NCKAP1: variants seen among roughly 807,000 people sequenced by gnomAD.
NCKAP1 encodes nck-associated protein 1.
NCKAP1 carries 21 observed loss-of-function variants against 151.2 expected under a neutral mutation model. That is an observed-to-expected ratio of 0.14 (90% CI 0.10 to 0.20). The LOEUF (loss-of-function observed/expected upper bound fraction) is 0.20. Among genes scored for constraint, NCKAP1 ranks in the 10% least tolerant of loss-of-function variants. The pLI, the probability that NCKAP1 is intolerant of heterozygous loss-of-function variation, is 1.00. For synonymous variants in NCKAP1, 484 were observed against 451.8 expected (o/e 1.07, Z -0.90); for missense variants, 933 against 1,352.1 (o/e 0.69, Z 4.86).
At position 182,922,632 on chromosome 2, in the gene NCKAP1, G is replaced by T. The variant is rs1696570254; in HGVS notation, c.*3070C>A. 1 of 152,220 alleles carries T rather than the reference G, an allele frequency of 6.6e-6. No individual in the cohort carries two copies. Among genetic ancestry groups the T allele is most frequent in the African/African-American group, 2.4e-5 (1 of 41,424 alleles). The allele number at this position is 152,220 out of a possible 1,614,324, so 9.4% of individuals were successfully genotyped here. ...CAGCTCAAATGTTTTCTCTTACACAGATGACACTTTCTTCTAACACTTTCT... is the reference window on the plus strand; with the variant it reads ...CAGCTCAAATGTTTTCTCTTACACATATGACACTTTCTTCTAACACTTTCT... On this transcript the variant is annotated 3_prime_UTR_variant, in exon 31 of 31. Coordinates refer to ENST00000361354, the MANE Select transcript of NCKAP1 (RefSeq NM_013436.5).
chr2:183,003,361 G>A, intron 2 of NCKAP1, 36 bp from the exon 3 acceptor site: 1 of 1,217,274 alleles, frequency 8.2e-7, no homozygotes, highest in Non-Finnish European at 1.2e-6. Flanking sequence ...TGCTCATAGA[G>A]AACAAAAGTA....
At chr2:183,035,123 A>C (rs1482810929) in intron 1 of NCKAP1, among the ~76,000 whole-genome samples, 1 of 152,112 alleles carries the variant, frequency 6.6e-6, no homozygotes, top group Non-Finnish European at 1.5e-5. Context: ...AAAAGGAATT[A>C]AGCAACAAAT....
At chr2:183,007,816 A>ATCAACT (rs2105880760) in intron 2 of NCKAP1, among the ~76,000 whole-genome samples, 2 of 152,304 alleles carry the variant, frequency 1.3e-5, no homozygotes, top group South Asian at 4.1e-4. Context: ...CACCCTAGTC[A>ATCAACT]TCAACTCTCA....
chr2:183,004,891 A>AG (rs1698440819), intron 2 of NCKAP1, among the ~76,000 whole-genome samples: 1 of 151,436 alleles, frequency 6.6e-6, no homozygotes, highest in Non-Finnish European at 1.5e-5. Context: ...TCTCAAAAAA[A>AG]AAAAAAGAAA....
chr2:182,988,816 T>G (rs1698108553), intron 9 of NCKAP1, among the ~76,000 whole-genome samples: 1 of 152,138 alleles, frequency 6.6e-6, no homozygotes, highest in Non-Finnish European at 1.5e-5. Flanking sequence ...TCAGGTAACC[T>G]CAGTTTTTTT....
chr2:182,994,717 G>A (rs933641749), intron 8 of NCKAP1, 122 bp downstream of exon 8: 1 of 732,522 alleles, frequency 1.4e-6, no homozygotes, highest in Non-Finnish European at 2.3e-6. Context: ...GACTGAAAGA[G>A]GTAATGGACA....
chr2:182,969,049 A>G (rs1164535163), intron 15 of NCKAP1, among the ~76,000 whole-genome samples: 1 of 152,236 alleles, frequency 6.6e-6, no homozygotes, highest in Non-Finnish European at 1.5e-5. Context: ...AGTTTTACTT[A>G]CCATTTATCA....
chr2:182,936,327 A>G (rs1424367352), intron 24 of NCKAP1, among the ~76,000 whole-genome samples: 2 of 152,212 alleles, frequency 1.3e-5, no homozygotes, highest in Non-Finnish European at 2.9e-5. Flanking sequence ...CACATTTTAT[A>G]AAGCCAAAAC....
At chr2:182,960,251 C>T (rs1389532929) in intron 18 of NCKAP1, among the ~76,000 whole-genome samples, 1 of 152,008 alleles carries the variant, frequency 6.6e-6, no homozygotes, top group African/African-American at 2.4e-5. Flanking sequence ...CATATGGAAC[C>T]AAAAAAGAGC....
chr2:182,928,282 A>G, intron 28 of NCKAP1, 56 bp from the exon 29 acceptor site: 2 of 1,239,668 alleles, frequency 1.6e-6, no homozygotes, highest in South Asian at 1.3e-5. Context: ...AATACATAGA[A>G]GGCAAATCTT....
intron 27 of NCKAP1, among the ~76,000 whole-genome samples, chr2:182,929,923 C>T (rs528336126): frequency 6.6e-6 from 1 of 152,038 alleles, no homozygotes; most frequent in Admixed American, 6.6e-5. Context: ...AAGGGCTGGT[C>T]TTAAAAATTT....
At chr2:182,949,759 C>T (rs1697179067) in intron 23 of NCKAP1, among the ~76,000 whole-genome samples, 2 of 152,232 alleles carry the variant, frequency 1.3e-5, no homozygotes, top group Admixed American at 6.5e-5. Flanking sequence ...CACACCACTG[C>T]ACTCCAGCCT....
chr2:182,952,404 C>A lies in NCKAP1; in HGVS notation c.2601+1G>T. The A allele has an allele frequency of 6.3e-7, 1 of 1,586,986 alleles. No individual in the cohort carries two copies. The highest frequency in any genetic ancestry group is 8.6e-7 in the Non-Finnish European group (1 of 1,162,340). On this transcript the variant is annotated splice_donor_variant, in intron 23 of 30. Transcript: ENST00000361354. LOFTEE classifies it high-confidence loss of function. ...GCTAAAATTAATAAAGACTATATTA[C>A]CTTAAGTTCAGCAACTTGTGATGAA...
At position 183,024,031 on chromosome 2, in the gene NCKAP1, T is replaced by C. The variant is rs567070761; in HGVS notation, c.109-115A>G. ...TTTATTGTTTTTGGTGAGCAGGTGA[T>C]AAAATGAATAGGCAAAGTGCAGGGA... On this transcript the variant is annotated intron_variant, in intron 1 of 30. Coordinates refer to ENST00000361354, the MANE Select transcript of NCKAP1 (RefSeq NM_013436.5). 18 of 767,104 alleles carry C rather than the reference T, an allele frequency of 2.3e-5. No individual in the cohort carries two copies. The African/African-American group carries it at 2.5e-4, about 10-fold the overall frequency. The allele number at this position is 767,104 out of a possible 1,614,324, so 47.5% of individuals were successfully genotyped here.
chr2:183,019,285 T>C (rs1320015897), intron 2 of NCKAP1, among the ~76,000 whole-genome samples: 1 of 152,152 alleles, frequency 6.6e-6, no homozygotes, highest in Non-Finnish European at 1.5e-5. Context: ...TTGTGCCAGA[T>C]AATATTTTTA....
intron 10 of NCKAP1, among the ~76,000 whole-genome samples, chr2:182,985,591 C>G (rs1698037991): frequency 6.6e-6 from 1 of 151,966 alleles, no homozygotes; most frequent in South Asian, 2.1e-4. Flanking sequence ...TCACTGAGGT[C>G]AGGAGTTCAA....
intron 17 of NCKAP1, among the ~76,000 whole-genome samples, chr2:182,964,418 T>G (rs1221183923): frequency 6.6e-6 from 1 of 152,166 alleles, no homozygotes; most frequent in Non-Finnish European, 1.5e-5. Context: ...TCCACAGATA[T>G]TAATACCTGA....
In NCKAP1 at chr2:183,003,015, A is replaced by G; in HGVS notation, c.328T>C (p.Leu110=). The change falls in exon 4 of 31, where the codon TTG becomes CTG. Residue 110 remains leucine, a synonymous_variant. Coordinates refer to ENST00000361354, the MANE Select transcript of NCKAP1 (RefSeq NM_013436.5). The stretch of plus-strand genomic sequence containing the variant: ...TGGCAAACGTCAATAGTATTCAGCA[A>G]TTCACAAACATGGTCCTGAAAAGAA... ...VMEFKDHVCE[L]LNTIDVCQVF... 1 of 1,608,338 alleles carries G rather than the reference A, an allele frequency of 6.2e-7. No homozygotes were observed. Among genetic ancestry groups the G allele is most frequent in the African/African-American group, 1.3e-5 (1 of 74,860 alleles).
intron 18 of NCKAP1, among the ~76,000 whole-genome samples, chr2:182,960,923 T>C (rs1697434288): frequency 1.3e-5 from 2 of 152,114 alleles, no homozygotes; most frequent in African/African-American, 2.4e-5. Flanking sequence ...GGCTGAAGGA[T>C]ATAAACAGAC....
Sources: gnomAD v4.1 joint callset for allele counts (sites outside exome capture counted in the v4.1 genomes callset) on GRCh38, gnomAD v4.1.1 for gene constraint, MANE v1.5 for transcripts, NCBI Gene and HGNC (gene_info 2026-07-23, HGNC 2026-07-21) for gene names.